Variants in RAB24 observed in about 807,000 individuals in gnomAD.
The protein encoded by RAB24 is RAB24, member RAS oncogene family.
A neutral mutation model predicts 31.4 loss-of-function variants in RAB24; 9 were observed. That is an observed-to-expected ratio of 0.29 (90% confidence interval 0.17 to 0.50). The LOEUF is 0.50. Among genes scored for constraint, RAB24 ranks in the 20% least tolerant of loss-of-function variants. The pLI, the probability that RAB24 is intolerant of heterozygous loss-of-function variation, is 0.98. For synonymous variants in RAB24, 106 were observed against 94.1 expected (o/e 1.13, Z -0.73); for missense variants, 197 against 265.2 (o/e 0.74, Z 1.79).
chr5:177,302,865 C>T (rs376440093), intron 2 of RAB24, 35 bp from the exon 3 acceptor site: 41 of 1,606,828 alleles, frequency 2.6e-5, no homozygotes, highest in Non-Finnish European at 3.3e-5. Context: ...CTTAAGGCCA[C>T]GTTCTCCAGA....
rs2127296891 is a variant in RAB24, at chr5:177,302,482, G to A, written c.348C>T (p.Tyr116=). 6.2e-7 allele frequency: 1 copy of A among 1,614,002 alleles called. No homozygotes were observed. Residue 116 remains tyrosine, a synonymous_variant, in exon 5 of 8, where the codon TAC becomes TAT. Transcript: ENST00000303251. Reference sequence around the variant, plus strand: ...GCAGGTCACTCTTGGTGCCACATAAGTAGATTTGGCAGCCCTGAGGCAGAA... The same window carrying A: ...GCAGGTCACTCTTGGTGCCACATAAATAGATTTGGCAGCCCTGAGGCAGAA... ...LRSLEEGCQI[Y]LCGTKSDLLE...
rs1200935159 is a variant in RAB24 at position 177,301,674 on chromosome 5, C to G, written c.*69G>C. ...AGCTCAGACATTTGACTACCCAAGC[C>G]CAGAAAGGAGCTGGGTCCAGCCCTT... On this transcript the variant is annotated 3_prime_UTR_variant, in exon 8 of 8. Coordinates refer to ENST00000303251, the MANE Select transcript of RAB24 (RefSeq NM_001031677.4). 10 of 1,574,294 alleles carry G rather than the reference C, an allele frequency of 6.4e-6. No individual in the cohort carries two copies. The East Asian group carries it at 2.2e-4, about 35-fold the overall frequency.
chr5:177,302,752 C>T lies in RAB24; in HGVS notation c.265G>A (p.Asp89Asn). ...CAGCCCAAACCCCCCCCCCCCTTAC[C>T]ATAGCAGACGATGGCAGCCTTGGCA... Reference protein sequence around the residue: ...RGAKAAIVCYDLTDSSSFERA... With the variant: ...RGAKAAIVCYNLTDSSSFERA... The change falls in exon 3 of 8, where the codon GAC becomes AAC. Residue 89 changes from aspartate to asparagine, a missense_variant and splice_region_variant. Asp to Asn is a conservative substitution (Grantham distance 23). Coordinates refer to ENST00000303251, the MANE Select transcript of RAB24 (RefSeq NM_001031677.4). The T allele has an allele frequency of 8.8e-7, 1 of 1,138,568 alleles. No individual in the cohort carries two copies. Among genetic ancestry groups the T allele is most frequent in the South Asian group, 1.2e-5 (1 of 81,706 alleles). 70.5% of individuals were successfully genotyped at this position (1,138,568 alleles called of 1,614,324 possible).
Position 177,303,405 on chromosome 5 carries a change from A to C in RAB24, c.-117T>G. 1.1e-6 allele frequency: 1 copy of C among 921,492 alleles called. No individual in the cohort carries two copies. Among genetic ancestry groups the C allele is most frequent in the Non-Finnish European group, 1.7e-6 (1 of 589,736 alleles). The allele number at this position is 921,492 out of a possible 1,614,324, so 57.1% of individuals were successfully genotyped here. A position where few individuals can be genotyped will look rare whatever the true frequency, so the allele number is the denominator to read the frequency against. On this transcript the variant is annotated 5_prime_UTR_variant, in exon 1 of 8. Coordinates refer to ENST00000303251, the MANE Select transcript of RAB24 (RefSeq NM_001031677.4). This position sits in a 1 kb window ranked among gnomAD's most constrained non-coding sequence, Gnocchi z 6.1. ...CAGACCCCGACCCCAAACGGCGCCAACCTACGACTCCAGACAGCGCGTCGG... is the reference window on the plus strand; with the variant it reads ...CAGACCCCGACCCCAAACGGCGCCACCCTACGACTCCAGACAGCGCGTCGG...
chr5:177,303,338 G>A lies in RAB24; in HGVS notation c.-50C>T, dbSNP rs757175983. The A allele has an allele frequency of 1.3e-6, 2 of 1,573,466 alleles. No individual in the cohort carries two copies. Among genetic ancestry groups the A allele is most frequent in the Admixed American group, 1.7e-5 (1 of 59,836 alleles). On this transcript the variant is annotated 5_prime_UTR_variant, in exon 1 of 8. Coordinates refer to ENST00000303251, the MANE Select transcript of RAB24 (RefSeq NM_001031677.4). This position sits in a 1 kb window ranked among gnomAD's most constrained non-coding sequence, Gnocchi z 6.1. ...TCAGGGTCCTGAGCGGGGACGGGAG[G>A]CAAACCCCGATCTCCGCTCGGCCCA...
chr5:177,301,578 A>T lies in RAB24; in HGVS notation c.*165T>A, dbSNP rs1760650875. 2.7e-6 allele frequency: 2 copies of T among 733,272 alleles called. No individual in the cohort carries two copies. The highest frequency in any genetic ancestry group is 3.6e-5 in the South Asian group (2 of 55,534). The allele number at this position is 733,272 out of a possible 1,614,324, so 45.4% of individuals were successfully genotyped here. ...CTTATCCCTCCTCATGCCCACAGTC[A>T]GCCCAATGCTGTCTCCGTTCCATGG... On this transcript the variant is annotated 3_prime_UTR_variant, in exon 8 of 8. Coordinates refer to ENST00000303251, the MANE Select transcript of RAB24 (RefSeq NM_001031677.4).
At chr5:177,302,878 C>G in intron 2 of RAB24, 48 bp from the exon 3 acceptor site, 1 of 1,603,796 alleles carries the variant, frequency 6.2e-7, no homozygotes, top group Non-Finnish European at 8.5e-7. Context: ...TCTCCAGACC[C>G]CGCTATTTTC....
At chr5:177,302,369 A>AC (rs779133049) in intron 5 of RAB24, 28 bp downstream of exon 5, 71 of 1,607,040 alleles carry the variant, frequency 4.4e-5, no homozygotes, top group African/African-American at 6.8e-5. Context: ...ACACACCCCC[A>AC]CCCCCCAAAG....
At chr5:177,302,533 C>T (rs368466497) in intron 4 of RAB24, 37 bp from the exon 5 acceptor site, 2 of 1,613,982 alleles carry the variant, frequency 1.2e-6, no homozygotes, top group African/African-American at 1.3e-5. Context: ...CACAGGCCAA[C>T]AAAACCCCAG....
chr5:177,302,866 G>A (rs779981911), intron 2 of RAB24, 36 bp from the exon 3 acceptor site: 3 of 1,607,050 alleles, frequency 1.9e-6, no homozygotes, highest in African/African-American at 1.3e-5. Context: ...TTAAGGCCAC[G>A]TTCTCCAGAC....
At position 177,301,571 on chromosome 5, in the gene RAB24, C is replaced by G. The variant is rs2127296026; in HGVS notation, c.*172G>C. On this transcript the variant is annotated 3_prime_UTR_variant, in exon 8 of 8. Coordinates refer to ENST00000303251, the MANE Select transcript of RAB24 (RefSeq NM_001031677.4). ...AATCAGCCTTATCCCTCCTCATGCC[C>G]ACAGTCAGCCCAATGCTGTCTCCGT... is the stretch of plus-strand genomic sequence containing the variant. The G allele has an allele frequency of 1.4e-6, 1 of 706,294 alleles. No homozygotes were observed. Among genetic ancestry groups the G allele is most frequent in the Admixed American group, 2.8e-5 (1 of 36,106 alleles). 43.8% of individuals were successfully genotyped at this position (706,294 alleles called of 1,614,324 possible).
In RAB24 at chr5:177,302,494, G is replaced by C. The variant is rs754037295; in HGVS notation, c.336C>G (p.Gly112=). 1 of 1,613,962 alleles carries C rather than the reference G, an allele frequency of 6.2e-7. No homozygotes were observed. Among genetic ancestry groups the C allele is most frequent in the Non-Finnish European group, 8.5e-7 (1 of 1,180,034 alleles). The change falls in exon 5 of 8, where the codon GGC becomes GGG. Residue 112 remains glycine, a splice_region_variant and synonymous_variant. Transcript: ENST00000303251. ...TGGTGCCACATAAGTAGATTTGGCA[G>C]CCCTGAGGCAGAAGACAAGGGTCAC... The part of the protein sequence containing the change: ...WVKELRSLEE[G]CQIYLCGTKS...
chr5:177,302,732 CAA>C lies in RAB24; in HGVS notation c.265+18_265+19del. ...ACCCATCTTTTCTTGTGAGACAGCC[CAA>C]ACCCCCCCCCCCCTTACCATAGCAG... is the stretch of plus-strand genomic sequence containing the variant. On this transcript the variant is annotated intron_variant, in intron 3 of 7. Coordinates refer to ENST00000303251, the MANE Select transcript of RAB24 (RefSeq NM_001031677.4). 1 of 1,539,782 alleles carries C rather than the reference CAA, an allele frequency of 6.5e-7. No homozygotes were observed. Among genetic ancestry groups the C allele is most frequent in the Non-Finnish European group, 8.7e-7 (1 of 1,149,630 alleles).
intron 5 of RAB24, 49 bp downstream of exon 5, chr5:177,302,348 C>CCCA (rs1581582226): frequency 6.2e-6 from 10 of 1,603,212 alleles, no homozygotes; most frequent in Non-Finnish European, 8.5e-6. Flanking sequence ...CTTTGATCCA[C>CCCA]CCAGACAGCC....
intron 2 of RAB24, 56 bp downstream of exon 2, chr5:177,302,953 G>A: frequency 6.3e-7 from 1 of 1,597,818 alleles, no homozygotes; most frequent in Non-Finnish European, 8.6e-7. Context: ...GTAATAGGCA[G>A]GACCTACACC....
At chr5:177,302,062 T>A (rs1760686519) in intron 6 of RAB24, 66 bp downstream of exon 6, 1 of 1,610,002 alleles carries the variant, frequency 6.2e-7, no homozygotes, top group Admixed American at 1.7e-5. Flanking sequence ...CAGCCCTCTG[T>A]GCCCTATTCA....
chr5:177,302,764 T>C lies in RAB24; in HGVS notation c.253A>G (p.Ile85Val), dbSNP rs778457494. 2.5e-5 allele frequency: 17 copies of C among 690,092 alleles called. No individual in the cohort carries two copies. The Admixed American group carries it at 3.5e-4, about 14-fold the overall frequency. 42.7% of individuals were successfully genotyped at this position (690,092 alleles called of 1,614,324 possible). Residue 85 changes from isoleucine to valine, a missense_variant, in exon 3 of 8, where the codon ATC (isoleucine) becomes GTC (valine). Physicochemically the swap from Ile to Val is conservative, Grantham distance 29. Transcript: ENST00000303251. ...CCCCCCCCCTTACCATAGCAGACGATGGCAGCCTTGGCACCCCGATAGTAG... is the reference window on the plus strand; with the variant it reads ...CCCCCCCCCTTACCATAGCAGACGACGGCAGCCTTGGCACCCCGATAGTAG... Reference protein sequence around the residue: ...RIYYRGAKAAIVCYDLTDSSS... With the variant: ...RIYYRGAKAAVVCYDLTDSSS...
rs984141622 is a variant in RAB24 at position 177,303,327 on chromosome 5, G to A, written c.-39C>T. On this transcript the variant is annotated 5_prime_UTR_variant, in exon 1 of 8. Transcript: ENST00000303251. The surrounding 1 kb of genome is among the most constrained non-coding windows in gnomAD (Gnocchi z 6.1). ...CTTCAGCCACGTCAGGGTCCTGAGC[G>A]GGGACGGGAGGCAAACCCCGATCTC... is the stretch of plus-strand genomic sequence containing the variant. 1.3e-6 allele frequency: 2 copies of A among 1,596,504 alleles called. No homozygotes were observed. Among genetic ancestry groups the A allele is most frequent in the East Asian group, 2.2e-5 (1 of 44,784 alleles).
In RAB24 at chr5:177,302,388, A is replaced by G. The variant is rs201457790; in HGVS notation, c.433+9T>C. The G allele has an allele frequency of 1.3e-4, 217 of 1,612,754 alleles. 1 individual carries two copies. The Admixed American group carries it at 3.5e-3, about 26-fold the overall frequency. Reference sequence around the variant, plus strand: ...ACCCCCACCCCCCAAAGGGCTGAGGAGCAGCTACTGTCTGCATAGTCCTGG... The same window carrying G: ...ACCCCCACCCCCCAAAGGGCTGAGGGGCAGCTACTGTCTGCATAGTCCTGG... On this transcript the variant is annotated intron_variant, in intron 5 of 7. Transcript: ENST00000303251.
Sources: allele counts gnomAD v4.1 joint callset, GRCh38; gene constraint gnomAD v4.1.1; non-coding constraint Gnocchi (gnomAD v3.1); transcripts MANE v1.5; gene names NCBI Gene and HGNC (gene_info 2026-07-23, HGNC 2026-07-21).